Variants in MYOF observed in about 807,000 individuals in gnomAD.
MYOF encodes the protein fer-1-like 3, myoferlin.
MYOF carries 244 observed loss-of-function variants against 284.2 expected under a neutral mutation model. That is an observed-to-expected ratio of 0.86 (90% CI 0.77 to 0.95). The LOEUF is 0.95. Ranked by LOEUF, MYOF falls within the 40% of genes least tolerant of loss-of-function variation. MYOF has a pLI of 0.00. For synonymous variants in MYOF, 904 were observed against 919.7 expected, an observed-to-expected ratio of 0.98 and a Z score of 0.31; for missense variants, 2,496 against 2,560.6, an observed-to-expected ratio of 0.97 and a Z score of 0.54.
chr10:93,351,991 G>T (rs1445547727), intron 32 of MYOF, 145 bp from the exon 33 acceptor site: 2 of 741,546 alleles, frequency 2.7e-6, no homozygotes, highest in African/African-American at 1.8e-5. Context: ...CTAGGGAGCA[G>T]GGAGTTCCCC....
chr10:93,369,110 C>CTTTTTT (rs66923086), intron 25 of MYOF, among the ~76,000 whole-genome samples: 4,874 of 78,196 alleles, frequency 0.062, 907 homozygotes, highest in East Asian at 0.35. Context: ...ATTCAGACAG[C>CTTTTTT]TTTTTTTTTT....
chr10:93,392,788 A>G (rs1336653142), intron 17 of MYOF, 129 bp downstream of exon 17: 13 of 819,132 alleles, frequency 1.6e-5, no homozygotes, highest in Non-Finnish European at 2.6e-5. Flanking sequence ...CACAAAAATT[A>G]TTACTTTAGC....
At chr10:93,443,768 T>C (rs2056347773) in intron 3 of MYOF, among the ~76,000 whole-genome samples, 2 of 152,176 alleles carry the variant, frequency 1.3e-5, no homozygotes, top group African/African-American at 4.8e-5. Flanking sequence ...TTTGTTTTAG[T>C]TGTGTCAGGT....
At chr10:93,383,611 G>T (rs1308570999) in intron 19 of MYOF, among the ~76,000 whole-genome samples, 1 of 152,176 alleles carries the variant, frequency 6.6e-6, no homozygotes, top group Non-Finnish European at 1.5e-5. Context: ...TTCTGGGTTT[G>T]GGTTTGAATT....
intron 19 of MYOF, 112 bp from the exon 20 acceptor site, chr10:93,381,508 A>G: frequency 9.0e-7 from 1 of 1,110,998 alleles, no homozygotes. Context: ...GAATTAAATG[A>G]CAGGGGAGAA....
intron 3 of MYOF, among the ~76,000 whole-genome samples, chr10:93,435,873 C>T (rs1267327353): frequency 1.3e-5 from 2 of 151,748 alleles, no homozygotes; most frequent in Non-Finnish European, 2.9e-5. Flanking sequence ...CATTGCATTT[C>T]AGCCTGGGCA....
At chr10:93,342,177 C>T (rs887128782) in intron 38 of MYOF, among the ~76,000 whole-genome samples, 13 of 152,158 alleles carry the variant, frequency 8.5e-5, no homozygotes, top group African/African-American at 3.1e-4. Flanking sequence ...AGCCTCCAGC[C>T]CCCAGCAACA....
chr10:93,443,074 A>C (rs1375000437), intron 3 of MYOF, among the ~76,000 whole-genome samples: 2 of 149,818 alleles, frequency 1.3e-5, no homozygotes, highest in Non-Finnish European at 3.0e-5. Flanking sequence ...AGGTAGGAGA[A>C]TCACTTGAAC....
chr10:93,400,520 C>A (rs1398357686), intron 12 of MYOF, among the ~76,000 whole-genome samples: 1 of 151,994 alleles, frequency 6.6e-6, no homozygotes, highest in African/African-American at 2.4e-5. Flanking sequence ...ACAATACTAT[C>A]TTTTAAGACC....
In MYOF at chr10:93,349,903, C is replaced by G. The variant is rs2133882881; in HGVS notation, c.3988G>C (p.Val1330Leu). 1 of 1,614,100 alleles carries G rather than the reference C, an allele frequency of 6.2e-7. No homozygotes were observed. The highest frequency in any genetic ancestry group is 2.2e-5 in the East Asian group (1 of 44,868). Residue 1330 changes from valine to leucine, a missense_variant, in exon 36 of 54, where the codon GTT becomes CTT. Val to Leu is a conservative substitution (Grantham distance 32). This residue lies in a region of MYOF where 2,436 missense variants were observed against 2,480.7 expected (regional missense o/e 0.98). Transcript: ENST00000359263. ...QMASITSPSL[V>L]VECGGERVES... The stretch of plus-strand genomic sequence containing the variant: ...ACCCTTTCTCCTCCACACTCCACAA[C>G]AAGACTGGGGGATGTGATAGAAGCC...
chr10:93,450,000 G>T (rs571658766), intron 3 of MYOF, among the ~76,000 whole-genome samples: 1 of 151,806 alleles, frequency 6.6e-6, no homozygotes, highest in East Asian at 2.0e-4. Context: ...CTGTACCCCT[G>T]TAATCCCAGC....
At chr10:93,435,499 C>T (rs1481168410) in intron 3 of MYOF, among the ~76,000 whole-genome samples, 1 of 152,142 alleles carries the variant, frequency 6.6e-6, no homozygotes, top group Non-Finnish European at 1.5e-5. Context: ...ACTCTGTGTC[C>T]CCACTTTCTT....
chr10:93,401,506 C>T lies in MYOF; in HGVS notation c.1029G>A (p.Val343=). ...RRDRDNDSDD[V]ESNLLLPAGI... is the part of the protein sequence containing the mutation. ...CAGCAGGGAGTAACAAATTACTCTC[C>T]ACATCATCACTGTCATTATCACGAT... Residue 343 remains valine (V), a synonymous_variant, in exon 12 of 54, where the codon GTG becomes GTA. Transcript: ENST00000359263. 1 of 1,614,048 alleles carries T rather than the reference C, an allele frequency of 6.2e-7. No homozygotes were observed. The highest frequency in any genetic ancestry group is 8.5e-7 in the Non-Finnish European group (1 of 1,179,982).
At chr10:93,352,810 A>G (rs1844583329) in intron 32 of MYOF, among the ~76,000 whole-genome samples, 1 of 152,192 alleles carries the variant, frequency 6.6e-6, no homozygotes, top group Non-Finnish European at 1.5e-5. Context: ...TGTTTTTTTA[A>G]CTTTCAGTGA....
At chr10:93,386,719 G>A (rs1325637715) in intron 19 of MYOF, among the ~76,000 whole-genome samples, 1 of 152,188 alleles carries the variant, frequency 6.6e-6, no homozygotes, top group Non-Finnish European at 1.5e-5. Context: ...CTGCCTTCTG[G>A]GAGTCAATGA....
chr10:93,394,448 C>CTCTTTTTTTTTTT (rs1846871495), intron 16 of MYOF, among the ~76,000 whole-genome samples: 20 of 28,700 alleles, frequency 7.0e-4, no homozygotes, highest in South Asian at 2.7e-3. Context: ...ACCATCTTGT[C>CTCTTTTTTTTTTT]TTTTTTTTTT....
intron 13 of MYOF, among the ~76,000 whole-genome samples, chr10:93,398,787 T>C (rs766780036): frequency 6.6e-6 from 1 of 152,228 alleles, no homozygotes; most frequent in African/African-American, 2.4e-5. Flanking sequence ...ATGCTAGTTC[T>C]TTTTGTCTAT....
At chr10:93,340,360 C>T in intron 38 of MYOF, 196 bp from the exon 39 acceptor site, 1 of 560,298 alleles carries the variant, frequency 1.8e-6, no homozygotes, top group Admixed American at 3.0e-5. Context: ...ACTGAACCCA[C>T]CTTACTGGTT....
chr10:93,374,728 T>C (rs769516277), intron 23 of MYOF, 35 bp downstream of exon 23: 1 of 1,591,416 alleles, frequency 6.3e-7, no homozygotes, highest in Admixed American at 1.8e-5. Context: ...CCTTCTTCCA[T>C]ATCAGGTGAC....
Sources: gnomAD v4.1 joint callset for allele counts (sites outside exome capture counted in the v4.1 genomes callset) on GRCh38, gnomAD v4.1.1 for gene constraint, gnomAD v4.1.1 regional missense constraint, MANE v1.5 for transcripts, NCBI Gene and HGNC (gene_info 2026-07-23, HGNC 2026-07-21) for gene names.